The following SGCZ variants were observed in gnomAD, a reference collection of about 807,000 sequenced individuals.
SGCZ encodes sarcoglycan zeta.
SGCZ carries 40 observed loss-of-function variants against 41.3 expected under a neutral mutation model. The ratio of observed to expected loss-of-function variants is 0.97; its 90% CI spans 0.75 to 1.26. SGCZ has a LOEUF of 1.26. Among genes scored for constraint, SGCZ ranks in the 50% most tolerant of loss-of-function variants. SGCZ has a pLI of 0.00. For missense variants in SGCZ, 552 were observed against 369.8 expected (o/e 1.49, Z -4.04); for synonymous variants, 206 against 137.5 (o/e 1.50, Z -3.49).
intron 1 of SGCZ, among the ~76,000 whole-genome samples, chr8:14,989,227 G>A (rs949665587): frequency 1.3e-5 from 2 of 152,208 alleles, no homozygotes; most frequent in African/African-American, 4.8e-5. Context: ...AATGGTGTCT[G>A]AGAGGTATGT....
chr8:14,750,917 G>A (rs1274547451), intron 1 of SGCZ, among the ~76,000 whole-genome samples: 1 of 152,086 alleles, frequency 6.6e-6, no homozygotes, highest in Non-Finnish European at 1.5e-5. Context: ...GTGACTAATT[G>A]AAAACGGTAG....
intron 4 of SGCZ, 65 bp downstream of exon 4, chr8:14,237,527 A>G (rs1436663395): frequency 6.8e-7 from 1 of 1,466,764 alleles, no homozygotes; most frequent in East Asian, 2.3e-5. Flanking sequence ...CAAGAACCAA[A>G]AACCAAAAAC....
At chr8:14,258,919 T>G (rs933888560) in intron 3 of SGCZ, among the ~76,000 whole-genome samples, 1 of 152,198 alleles carries the variant, frequency 6.6e-6, no homozygotes, top group Non-Finnish European at 1.5e-5. Context: ...TTATAAATTA[T>G]GTAGCATACA....
intron 1 of SGCZ, among the ~76,000 whole-genome samples, chr8:14,893,861 G>T (rs146299088): frequency 0.015 from 2,239 of 152,222 alleles, 33 homozygotes; most frequent in Middle Eastern, 0.044. Flanking sequence ...TTTCTAAGAT[G>T]TCAAAAGTCT....
intron 1 of SGCZ, among the ~76,000 whole-genome samples, chr8:14,724,313 G>GTA (rs144918084): frequency 0.069 from 10,363 of 151,174 alleles, 859 homozygotes; most frequent in African/African-American, 0.2. Context: ...GTATATATGT[G>GTA]TATATATATA....
chr8:14,148,552 C>T (rs1179436850), intron 5 of SGCZ, among the ~76,000 whole-genome samples: 1 of 151,860 alleles, frequency 6.6e-6, no homozygotes, highest in Non-Finnish European at 1.5e-5. Flanking sequence ...AAAAATCTAC[C>T]AGTAAAGAAA....
chr8:14,999,002 T>A (rs1227632376), intron 1 of SGCZ, among the ~76,000 whole-genome samples: 2 of 152,194 alleles, frequency 1.3e-5, no homozygotes, highest in Non-Finnish European at 2.9e-5. Flanking sequence ...GGATTTAATA[T>A]CTAGTGAATA....
At chr8:14,240,597 T>C (rs916542039) in intron 3 of SGCZ, among the ~76,000 whole-genome samples, 4 of 151,978 alleles carry the variant, frequency 2.6e-5, no homozygotes, top group African/African-American at 9.7e-5. Flanking sequence ...TCAGAGGTAG[T>C]GAGTTATTCT....
intron 1 of SGCZ, among the ~76,000 whole-genome samples, chr8:15,220,873 TG>T (rs1801573384): frequency 6.6e-6 from 1 of 152,078 alleles, no homozygotes; most frequent in South Asian, 2.1e-4. Context: ...GGGACATGGA[TG>T]AAGCAGGAAA....
chr8:14,512,376 T>G (rs914206057), intron 2 of SGCZ, among the ~76,000 whole-genome samples: 2 of 152,160 alleles, frequency 1.3e-5, no homozygotes, highest in African/African-American at 4.8e-5. Context: ...CAGTATGCCT[T>G]AGTTTATTTT....
chr8:14,720,376 T>C (rs978645152), intron 1 of SGCZ, among the ~76,000 whole-genome samples: 3 of 152,082 alleles, frequency 2.0e-5, no homozygotes, highest in Non-Finnish European at 4.4e-5. Flanking sequence ...TAATGATAGA[T>C]ATAACAATAA....
intron 3 of SGCZ, among the ~76,000 whole-genome samples, chr8:14,256,333 G>A (rs1386718588): frequency 6.6e-6 from 1 of 151,910 alleles, no homozygotes; most frequent in Non-Finnish European, 1.5e-5. Context: ...TCTTAATCAT[G>A]TCTCTTCCTC....
chr8:14,325,398 A>G (rs1802057274), intron 2 of SGCZ, among the ~76,000 whole-genome samples: 1 of 151,304 alleles, frequency 6.6e-6, no homozygotes, highest in Admixed American at 6.6e-5. Flanking sequence ...TAAAATTTGT[A>G]GGCTCAATCC....
chr8:14,171,787 T>G (rs1370400232), intron 4 of SGCZ, among the ~76,000 whole-genome samples: 1 of 152,104 alleles, frequency 6.6e-6, no homozygotes, highest in Non-Finnish European at 1.5e-5. Flanking sequence ...TGACATTTAG[T>G]TTTTATATAA....
chr8:14,194,284 T>C (rs1805198814), intron 4 of SGCZ, among the ~76,000 whole-genome samples: 1 of 151,984 alleles, frequency 6.6e-6, no homozygotes, highest in Non-Finnish European at 1.5e-5. Flanking sequence ...ATGTTTGGAA[T>C]ACTGTAGTTT....
intron 1 of SGCZ, among the ~76,000 whole-genome samples, chr8:15,011,868 G>A (rs998860494): frequency 1.8e-4 from 28 of 152,084 alleles, no homozygotes; most frequent in Admixed American, 1.0e-3. Flanking sequence ...CAAAATTATC[G>A]GTGCATTTGT....
chr8:15,079,217 T>C (rs935703681), intron 1 of SGCZ, among the ~76,000 whole-genome samples: 2 of 152,236 alleles, frequency 1.3e-5, no homozygotes, highest in African/African-American at 2.4e-5. Context: ...TACCAGTCTT[T>C]ATTAAATTTA....
chr8:14,900,855 T>G (rs1297974564), intron 1 of SGCZ, among the ~76,000 whole-genome samples: 1 of 152,206 alleles, frequency 6.6e-6, no homozygotes, highest in Non-Finnish European at 1.5e-5. Flanking sequence ...CATATTGGCC[T>G]ACTATAGAAA....
At chr8:14,661,112 G>A (rs943583537) in intron 1 of SGCZ, among the ~76,000 whole-genome samples, 2 of 152,058 alleles carry the variant, frequency 1.3e-5, no homozygotes, top group African/African-American at 4.8e-5. Flanking sequence ...TTCTAGAAAT[G>A]CATTTATGGA....
Sources: gnomAD v4.1 joint callset for allele counts (sites outside exome capture counted in the v4.1 genomes callset) on GRCh38, gnomAD v4.1.1 for gene constraint, MANE v1.5 for transcripts, NCBI Gene and HGNC (gene_info 2026-07-23, HGNC 2026-07-21) for gene names.